NBEA: variants seen among roughly 807,000 people sequenced by gnomAD.
NBEA encodes lysosomal-trafficking regulator 2.
NBEA carries 44 observed loss-of-function variants against 343.4 expected under a neutral mutation model. The ratio of observed to expected loss-of-function variants is 0.13; its 90% CI spans 0.10 to 0.16. The LOEUF (loss-of-function observed/expected upper bound fraction) is 0.16, where lower values mean the gene tolerates loss of function less well. Ranked by LOEUF, NBEA falls within the 10% of genes least tolerant of loss-of-function variation. NBEA has a pLI of 1.00. For missense variants in NBEA, 2,555 were observed against 3,631.3 expected (o/e 0.70, Z 7.62); for synonymous variants, 1,175 against 1,238.7 (o/e 0.95, Z 1.08).
chr13:35,557,441 T>C (rs2079626968), intron 44 of NBEA, among the ~76,000 whole-genome samples: 1 of 152,202 alleles, frequency 6.6e-6, no homozygotes, highest in Non-Finnish European at 1.5e-5. Flanking sequence ...TAGAGCCTAA[T>C]ATGCTTTTTT....
chr13:35,574,602 A>C (rs890111464), intron 45 of NBEA, among the ~76,000 whole-genome samples: 1 of 152,030 alleles, frequency 6.6e-6, no homozygotes, highest in Non-Finnish European at 1.5e-5. Context: ...GAAAGTGCCT[A>C]AAGCTGGATG....
chr13:34,970,853 C>G (rs985145121), intron 1 of NBEA, among the ~76,000 whole-genome samples: 1 of 152,106 alleles, frequency 6.6e-6, no homozygotes, highest in Admixed American at 6.6e-5. Context: ...TCTGGCTATT[C>G]AGGCTCTTTT....
chr13:35,036,761 G>T (rs1272254494), intron 1 of NBEA, among the ~76,000 whole-genome samples: 1 of 152,134 alleles, frequency 6.6e-6, no homozygotes, highest in Non-Finnish European at 1.5e-5. Context: ...TGAAAAGTCT[G>T]CTGCCAGATG....
At chr13:35,200,819 A>G (rs140987987) in intron 31 of NBEA, among the ~76,000 whole-genome samples, 318 of 152,112 alleles carry the variant, frequency 2.1e-3, no homozygotes, top group African/African-American at 7.0e-3. Flanking sequence ...AGCTTGAGCT[A>G]GGTATTTTCT....
chr13:35,146,318 G>A (rs2068419606), intron 18 of NBEA, among the ~76,000 whole-genome samples: 1 of 152,146 alleles, frequency 6.6e-6, no homozygotes, highest in African/African-American at 2.4e-5. Context: ...CCATGACAAT[G>A]CAGTTATTGG....
At chr13:35,149,028 G>T (rs2068608615) in intron 18 of NBEA, among the ~76,000 whole-genome samples, 1 of 152,146 alleles carries the variant, frequency 6.6e-6, no homozygotes, top group Non-Finnish European at 1.5e-5. Context: ...CTTTAGATTA[G>T]TGAGGAAATC....
intron 45 of NBEA, among the ~76,000 whole-genome samples, chr13:35,574,402 A>G (rs1313775486): frequency 8.6e-6 from 1 of 116,084 alleles, no homozygotes; most frequent in Non-Finnish European, 1.8e-5. Flanking sequence ...AAAACAAAAG[A>G]AAAAAAACAA....
rs918545684 is a variant in NBEA at position 35,672,391 on chromosome 13, G to C, written c.*1400G>C. 3.9e-5 allele frequency: 6 copies of C among 152,644 alleles called. No individual in the cohort carries two copies. Among genetic ancestry groups the C allele is most frequent in the African/African-American group, 1.4e-4 (6 of 41,446 alleles). 9.5% of individuals were successfully genotyped at this position (152,644 alleles called of 1,614,324 possible). On this transcript the variant is annotated 3_prime_UTR_variant, in exon 59 of 59. Coordinates refer to ENST00000379939, the MANE Select transcript of NBEA (RefSeq NM_001385012.1). ...CAGAAACATATCATTATTTATTGAT[G>C]TGATTACTTATTTGTTATCCACCTT...
intron 38 of NBEA, among the ~76,000 whole-genome samples, chr13:35,409,598 A>T (rs766902509): frequency 2.0e-5 from 3 of 152,124 alleles, no homozygotes; most frequent in Non-Finnish European, 4.4e-5. Context: ...TTTATTTTTC[A>T]TATTATGTAA....
intron 34 of NBEA, among the ~76,000 whole-genome samples, chr13:35,278,450 C>G (rs2034801167): frequency 6.6e-6 from 1 of 152,158 alleles, no homozygotes; most frequent in African/African-American, 2.4e-5. Flanking sequence ...TTGGTCCCAT[C>G]ATTTAACCAA....
intron 40 of NBEA, among the ~76,000 whole-genome samples, chr13:35,453,955 G>A (rs1400477045): frequency 6.6e-6 from 1 of 152,102 alleles, no homozygotes; most frequent in Non-Finnish European, 1.5e-5. Context: ...TATGGCTCCT[G>A]ACCAATTCAC....
At chr13:35,302,194 A>T (rs2036599741) in intron 35 of NBEA, among the ~76,000 whole-genome samples, 1 of 152,170 alleles carries the variant, frequency 6.6e-6, no homozygotes, top group African/African-American at 2.4e-5. Flanking sequence ...ATTACTTTAG[A>T]TAATTTTTTA....
intron 1 of NBEA, among the ~76,000 whole-genome samples, chr13:35,030,196 C>T (rs1002259119): frequency 2.6e-5 from 4 of 151,526 alleles, no homozygotes; most frequent in African/African-American, 7.2e-5. Context: ...TGTTTTCTTA[C>T]GTGTTTTTAA....
chr13:35,213,284 A>G (rs2073888710), intron 33 of NBEA, among the ~76,000 whole-genome samples: 1 of 152,024 alleles, frequency 6.6e-6, no homozygotes, highest in African/African-American at 2.4e-5. Context: ...ACACTTGATT[A>G]TGGTTCAGCA....
At chr13:35,498,017 C>T (rs2076745649) in intron 41 of NBEA, among the ~76,000 whole-genome samples, 1 of 151,926 alleles carries the variant, frequency 6.6e-6, no homozygotes, top group Non-Finnish European at 1.5e-5. Context: ...AGATGTTTAA[C>T]ATTGGAGATC....
At chr13:35,468,785 A>G (rs1362978153) in intron 40 of NBEA, among the ~76,000 whole-genome samples, 1 of 152,134 alleles carries the variant, frequency 6.6e-6, no homozygotes, top group African/African-American at 2.4e-5. Context: ...ATATTGGACT[A>G]TTAGTTCTGT....
At chr13:35,553,249 T>C (rs1440040726) in intron 43 of NBEA, among the ~76,000 whole-genome samples, 1 of 152,168 alleles carries the variant, frequency 6.6e-6, no homozygotes, top group Non-Finnish European at 1.5e-5. Flanking sequence ...AGTTTTGGTC[T>C]CTCTGTAATT....
At chr13:35,445,215 A>G (rs2045936518) in intron 39 of NBEA, among the ~76,000 whole-genome samples, 1 of 152,100 alleles carries the variant, frequency 6.6e-6, no homozygotes, top group Non-Finnish European at 1.5e-5. Flanking sequence ...CTCTTTACGT[A>G]AATCTTATGC....
At chr13:35,005,995 T>C (rs1593437863) in intron 1 of NBEA, among the ~76,000 whole-genome samples, 1 of 152,300 alleles carries the variant, frequency 6.6e-6, no homozygotes, top group East Asian at 1.9e-4. Context: ...CTTCATTTCT[T>C]ATAAGCTGCA....
Sources: allele counts gnomAD v4.1 joint callset (sites outside exome capture counted in the v4.1 genomes callset), GRCh38; gene constraint gnomAD v4.1.1; transcripts MANE v1.5; gene names NCBI Gene and HGNC (gene_info 2026-07-23, HGNC 2026-07-21).